ZNF385C: variants seen among roughly 807,000 people sequenced by gnomAD.
The protein encoded by ZNF385C is CTD-2132N18.2.
ZNF385C carries 28 observed loss-of-function variants against 35.4 expected under a neutral mutation model. The ratio of observed to expected loss-of-function variants is 0.79; its 90% CI spans 0.59 to 1.08. The LOEUF is 1.08. Ranked by LOEUF, ZNF385C falls within the 50% of genes least tolerant of loss-of-function variation. The probability of loss-of-function intolerance (pLI) is 0.00; values close to 1 mark genes in which losing one functional copy is unlikely to be tolerated. For synonymous variants in ZNF385C, 248 were observed against 248.2 expected, an observed-to-expected ratio of 1.00 and a Z score of 0.01; for missense variants, 605 against 595.6, an observed-to-expected ratio of 1.02 and a Z score of -0.16.
At chr17:42,069,420 G>A (rs1555658630) in intron 1 of ZNF385C, among the ~76,000 whole-genome samples, 1 of 152,144 alleles carries the variant, frequency 6.6e-6, no homozygotes, top group Non-Finnish European at 1.5e-5. Flanking sequence ...ATCCAGAGAG[G>A]GCTGAATGGA....
intron 7 of ZNF385C, 35 bp downstream of exon 7, chr17:42,028,015 G>A (rs782771169): frequency 7.6e-6 from 12 of 1,584,280 alleles, no homozygotes; most frequent in Non-Finnish European, 1.0e-5. Flanking sequence ...CCCCTCCCCT[G>A]GCTCCAACCC....
intron 1 of ZNF385C, among the ~76,000 whole-genome samples, chr17:42,090,348 G>A (rs1205782825): frequency 1.5e-5 from 2 of 137,572 alleles, no homozygotes; most frequent in Non-Finnish European, 3.0e-5. Flanking sequence ...GTGCAATTGC[G>A]CGATCTCGGC....
chr17:42,033,781 G>T (rs541669915), intron 4 of ZNF385C, among the ~76,000 whole-genome samples: 1 of 151,906 alleles, frequency 6.6e-6, no homozygotes, highest in African/African-American at 2.4e-5. Context: ...AAAAAATCCC[G>T]CCTCCACCCG....
Position 42,045,010 on chromosome 17 carries a change from C to G in ZNF385C, c.251-7125G>C, listed in dbSNP as rs1248985302. On this transcript the variant is annotated intron_variant, in intron 2 of 8. Transcript: ENST00000692273. ...TTGGCTCACTGCAAGCTCTGCCTCC[C>G]GGGTTCACACCATTCTCCTGCCTCA... is the stretch of plus-strand genomic sequence containing the variant. Among the ~76,000 whole-genome samples, 5 of 152,130 alleles carry G rather than the reference C, an allele frequency of 3.3e-5. No individual in the cohort carries two copies. In the East Asian group the frequency reaches 9.7e-4, roughly 30 times the overall value.
intron 1 of ZNF385C, among the ~76,000 whole-genome samples, chr17:42,076,034 G>T (rs921827655): frequency 6.6e-6 from 1 of 152,080 alleles, no homozygotes; most frequent in Admixed American, 6.6e-5. Context: ...AGTTTCCTGC[G>T]CTGGGAGGCC....
At chr17:42,083,255 T>C (rs1245159301) in intron 1 of ZNF385C, among the ~76,000 whole-genome samples, 3 of 150,754 alleles carry the variant, frequency 2.0e-5, no homozygotes, top group African/African-American at 7.3e-5. Flanking sequence ...CTGGCTGGAG[T>C]GCAGTGGCGT....
chr17:42,088,957 C>G (rs1484050085), intron 1 of ZNF385C, among the ~76,000 whole-genome samples: 2 of 152,120 alleles, frequency 1.3e-5, no homozygotes, highest in African/African-American at 4.8e-5. Context: ...TCTCAACACA[C>G]TGGGACTACA....
chr17:42,026,698 C>A lies in ZNF385C; in HGVS notation c.*199G>T, dbSNP rs1311031310. The A allele has an allele frequency of 1.6e-6, 1 of 628,666 alleles. No individual in the cohort carries two copies. The highest frequency in any genetic ancestry group is 1.8e-5 in the African/African-American group (1 of 54,450). 38.9% of individuals were successfully genotyped at this position (628,666 alleles called of 1,614,324 possible). On this transcript the variant is annotated 3_prime_UTR_variant, in exon 9 of 9. Coordinates refer to ENST00000692273, the MANE Select transcript of ZNF385C (RefSeq NM_001392013.1). ...AAATGCAGGCAAGCCTAGGATTAAC[C>A]CTGGAAGGCCTGCGAAAGGAGGGTG...
At chr17:42,082,532 C>T (rs567734718) in intron 1 of ZNF385C, among the ~76,000 whole-genome samples, 1 of 152,374 alleles carries the variant, frequency 6.6e-6, no homozygotes, top group South Asian at 2.1e-4. Flanking sequence ...CTCCCACCCA[C>T]TGCACTCTTG....
At chr17:42,031,906 A>AGTCCTT (rs1305184756) in intron 4 of ZNF385C, 122 bp from the exon 5 acceptor site, 53 of 1,110,866 alleles carry the variant, frequency 4.8e-5, no homozygotes, top group Non-Finnish European at 6.2e-5. Context: ...ACAAAGGGCA[A>AGTCCTT]GTCCTTGTCC....
intron 2 of ZNF385C, among the ~76,000 whole-genome samples, chr17:42,046,538 T>G (rs2053164680): frequency 6.6e-6 from 1 of 152,116 alleles, no homozygotes; most frequent in Non-Finnish European, 1.5e-5. Context: ...AGTTCAAGGC[T>G]ATAGTGAGCT....
intron 6 of ZNF385C, 85 bp from the exon 7 acceptor site, chr17:42,028,331 C>A: frequency 1.4e-6 from 2 of 1,391,344 alleles, no homozygotes; most frequent in Non-Finnish European, 1.9e-6. Context: ...TGCAATTTGG[C>A]TCTCCCTGTA....
chr17:42,072,683 C>T (rs2143903562), intron 1 of ZNF385C, among the ~76,000 whole-genome samples: 1 of 152,228 alleles, frequency 6.6e-6, no homozygotes. Flanking sequence ...CCGAGCCCGC[C>T]CCCGGGCGGC....
intron 1 of ZNF385C, among the ~76,000 whole-genome samples, chr17:42,088,757 G>A (rs1237332956): frequency 6.6e-6 from 1 of 152,354 alleles, no homozygotes; most frequent in African/African-American, 2.4e-5. Flanking sequence ...GTGTGGGAAT[G>A]GCAGCAAGGG....
chr17:42,040,395 A>C, intron 2 of ZNF385C: 1 of 1,231,962 alleles, frequency 8.1e-7, no homozygotes. Flanking sequence ...GGCGGGCCCC[A>C]CCTGAGCCGC....
intron 2 of ZNF385C, chr17:42,041,127 C>A (rs1193391213): frequency 8.1e-7 from 1 of 1,232,176 alleles, no homozygotes; most frequent in Admixed American, 4.2e-5. Context: ...ACACCAGCCC[C>A]ACATATGGGG....
At chr17:42,063,099 T>G in intron 1 of ZNF385C, 41 bp from the exon 2 acceptor site, 1 of 587,100 alleles carries the variant, frequency 1.7e-6, no homozygotes, top group South Asian at 2.0e-5. Context: ...GCCAAATGGT[T>G]GCGAATTCTT....
intron 2 of ZNF385C, among the ~76,000 whole-genome samples, chr17:42,045,077 C>T (rs2053125054): frequency 6.6e-6 from 1 of 152,222 alleles, no homozygotes; most frequent in African/African-American, 2.4e-5. Context: ...GCCATCACGC[C>T]CGGCTAATTT....
At chr17:42,037,952 C>G in intron 2 of ZNF385C, 67 bp from the exon 3 acceptor site, 2 of 1,544,064 alleles carry the variant, frequency 1.3e-6, no homozygotes, top group South Asian at 2.4e-5. Flanking sequence ...GAACAAGAGG[C>G]GGGTGGGCTT....
Sources: gnomAD v4.1 joint callset for allele counts (sites outside exome capture counted in the v4.1 genomes callset) on GRCh38, gnomAD v4.1.1 for gene constraint, MANE v1.5 for transcripts, NCBI Gene and HGNC (gene_info 2026-07-23, HGNC 2026-07-21) for gene names.